Variants in ZNF277 observed in about 807,000 individuals in gnomAD.
The protein encoded by ZNF277 is nuclear receptor-interacting factor 4.
Under a neutral mutation model 60.7 loss-of-function variants are expected in ZNF277, and 55 were observed. That is an observed-to-expected ratio of 0.91 (90% CI 0.73 to 1.13). The LOEUF (loss-of-function observed/expected upper bound fraction) is 1.13. Among genes scored for constraint, ZNF277 ranks in the 50% most tolerant of loss-of-function variants. The pLI, the probability that ZNF277 is intolerant of heterozygous loss-of-function variation, is 0.00. For missense variants in ZNF277, 510 were observed against 523.0 expected (o/e 0.98, Z 0.24); for synonymous variants, 178 against 179.3 (o/e 0.99, Z 0.06).
chr7:112,325,295 C>G (rs896068927), intron 5 of ZNF277, among the ~76,000 whole-genome samples: 3 of 152,278 alleles, frequency 2.0e-5, no homozygotes, highest in African/African-American at 7.2e-5. Context: ...ACATCAAGGA[C>G]CACCAGTTCA....
Position 112,227,877 on chromosome 7 carries a change from T to C in ZNF277, c.91+21070T>C, listed in dbSNP as rs188693672. On this transcript the variant is annotated intron_variant, in intron 1 of 11. Coordinates refer to ENST00000361822, the MANE Select transcript of ZNF277 (RefSeq NM_021994.3). Reference sequence around the variant, plus strand: ...CTGGAGAAATCTCATCAACAGCTTGTAGAGAGAGAAATTTTAAGTCTAATA... The same window carrying C: ...CTGGAGAAATCTCATCAACAGCTTGCAGAGAGAGAAATTTTAAGTCTAATA... Among the ~76,000 whole-genome samples, 9 of 152,224 alleles carry C rather than the reference T, an allele frequency of 5.9e-5. No homozygotes were observed. In the East Asian group the frequency reaches 1.7e-3, roughly 29 times the overall value.
chr7:112,245,389 A>G (rs1791061022), intron 1 of ZNF277, among the ~76,000 whole-genome samples: 1 of 152,100 alleles, frequency 6.6e-6, no homozygotes, highest in African/African-American at 2.4e-5. Flanking sequence ...GACCTTTTAG[A>G]TCCTCTTCTC....
intron 9 of ZNF277, among the ~76,000 whole-genome samples, chr7:112,338,691 C>A (rs1414259213): frequency 6.6e-6 from 1 of 152,162 alleles, no homozygotes; most frequent in Non-Finnish European, 1.5e-5. Context: ...ATTTTAGTTT[C>A]TCTGAAAAAG....
At chr7:112,340,013 C>A in intron 10 of ZNF277, 128 bp downstream of exon 10, 2 of 806,872 alleles carry the variant, frequency 2.5e-6, no homozygotes, top group South Asian at 3.3e-5. Context: ...TATAGATGGT[C>A]TTGACAGAAC....
In ZNF277 at chr7:112,343,654, C is replaced by T. The variant is rs1320707242; in HGVS notation, c.*925C>T. Among the ~76,000 whole-genome samples, 1 of 152,044 alleles carries T rather than the reference C, an allele frequency of 6.6e-6. No individual in the cohort carries two copies. The highest frequency in any genetic ancestry group is 2.4e-5 in the African/African-American group (1 of 41,396). ...TCAAATCCAAGTTTGAGGCTGGGCACAGTAGCTCATATCTGTAATCCCAGC... is the reference window on the plus strand; with the variant it reads ...TCAAATCCAAGTTTGAGGCTGGGCATAGTAGCTCATATCTGTAATCCCAGC... On this transcript the variant is annotated 3_prime_UTR_variant, in exon 12 of 12. Transcript: ENST00000361822.
intron 1 of ZNF277, among the ~76,000 whole-genome samples, chr7:112,218,933 T>C (rs531740846): frequency 6.6e-6 from 1 of 152,314 alleles, no homozygotes; most frequent in South Asian, 2.1e-4. Context: ...AACATAGGAG[T>C]GCAGATATCT....
At chr7:112,325,685 C>T (rs995155696) in intron 5 of ZNF277, among the ~76,000 whole-genome samples, 5 of 152,204 alleles carry the variant, frequency 3.3e-5, no homozygotes, top group African/African-American at 9.7e-5. Context: ...CTTCCTAGTA[C>T]ACCTATACCT....
intron 7 of ZNF277, among the ~76,000 whole-genome samples, chr7:112,331,869 C>G (rs1260037583): frequency 6.6e-6 from 1 of 152,184 alleles, no homozygotes; most frequent in African/African-American, 2.4e-5. Flanking sequence ...TTCTGGGGCT[C>G]TTTTAAAACT....
rs143522321 is a variant in ZNF277, at chr7:112,261,319, A to C, written c.92-25554A>C. On this transcript the variant is annotated intron_variant, in intron 1 of 11. Transcript: ENST00000361822. Reference sequence around the variant, plus strand: ...CCTCCTTTTACCTTTTCTAAAGTCCATTTTACCTAACATACAACAATTTGG... The same window carrying C: ...CCTCCTTTTACCTTTTCTAAAGTCCCTTTTACCTAACATACAACAATTTGG... Among the ~76,000 whole-genome samples the C allele has an allele frequency of 1.4e-3, 215 of 152,262 alleles. 1 individual carries two copies. Among genetic ancestry groups the C allele is most frequent in the African/African-American group, 4.8e-3 (200 of 41,558 alleles).
intron 1 of ZNF277, among the ~76,000 whole-genome samples, chr7:112,269,559 T>C (rs541530442): frequency 6.6e-6 from 1 of 152,272 alleles, no homozygotes; most frequent in South Asian, 2.1e-4. Flanking sequence ...ACAGTTAAGA[T>C]AGCCAGTCAT....
chr7:112,228,280 T>TA (rs1822228086), intron 1 of ZNF277, among the ~76,000 whole-genome samples: 2 of 152,082 alleles, frequency 1.3e-5, no homozygotes, highest in South Asian at 4.1e-4. Context: ...GCAAAGACCC[T>TA]ATTTCCAAAT....
At position 112,286,922 on chromosome 7, in the gene ZNF277, T is replaced by G. The variant is rs770613254; in HGVS notation, c.141T>G (p.Gly47=). ...LEPLSLPESP[G]GTTTLEGSPS... ...CGCTTTCCCTGCCAGAAAGTCCAGG[T>G]GGCACCACCACTTTAGAAGGTTCTC... Residue 47 remains glycine (G), a synonymous_variant, in exon 2 of 12, where the codon GGT becomes GGG. Coordinates refer to ENST00000361822, the MANE Select transcript of ZNF277 (RefSeq NM_021994.3). 6.3e-7 allele frequency: 1 copy of G among 1,592,088 alleles called. No homozygotes were observed. The highest frequency in any genetic ancestry group is 8.5e-7 in the Non-Finnish European group (1 of 1,171,924).
chr7:112,339,002 G>A (rs559003824), intron 9 of ZNF277, among the ~76,000 whole-genome samples: 6 of 152,224 alleles, frequency 3.9e-5, no homozygotes, highest in Admixed American at 6.5e-5. Flanking sequence ...AAACAAACAC[G>A]CAAAAAATAA....
At chr7:112,324,136 C>G (rs1358923195) in intron 5 of ZNF277, among the ~76,000 whole-genome samples, 1 of 152,116 alleles carries the variant, frequency 6.6e-6, no homozygotes, top group Non-Finnish European at 1.5e-5. Context: ...AGTCATTGTA[C>G]ATTTAAAATA....
intron 1 of ZNF277, among the ~76,000 whole-genome samples, chr7:112,222,291 T>C (rs1420157035): frequency 6.6e-6 from 1 of 152,202 alleles, no homozygotes; most frequent in East Asian, 1.9e-4. Context: ...TTTGGTAGAA[T>C]TCAGCGGTGA....
chr7:112,289,128 A>G (rs1180248056), intron 2 of ZNF277: 1 of 152,148 alleles, frequency 6.6e-6, no homozygotes, highest in Admixed American at 6.5e-5. Flanking sequence ...TTCCATTTGT[A>G]TTTATGCTAA....
chr7:112,296,307 G>T lies in ZNF277; in HGVS notation c.461G>T (p.Arg154Ile). Residue 154 changes from arginine (R) to isoleucine (I), a missense_variant, in exon 4 of 12, where the codon AGA becomes ATA. Arg to Ile is a moderately conservative substitution (Grantham distance 97). Coordinates refer to ENST00000361822, the MANE Select transcript of ZNF277 (RefSeq NM_021994.3). ...CTTAGAGAAGAGCTTCAGAAACAGA[G>T]ACTGGTAAGAATTGTTTTTAAAGGG... is the stretch of plus-strand genomic sequence containing the variant. ...RILREELQKQ[R>I]LREILEQQQQ... 1 of 1,558,462 alleles carries T rather than the reference G, an allele frequency of 6.4e-7. No homozygotes were observed. Among genetic ancestry groups the T allele is most frequent in the South Asian group, 1.2e-5 (1 of 85,140 alleles).
chr7:112,246,964 A>G (rs959654773), intron 1 of ZNF277, among the ~76,000 whole-genome samples: 9 of 152,138 alleles, frequency 5.9e-5, no homozygotes, highest in African/African-American at 2.2e-4. Flanking sequence ...ACCTGCTTTG[A>G]GTTATGTATT....
intron 6 of ZNF277, among the ~76,000 whole-genome samples, chr7:112,329,289 T>C (rs375826532): frequency 2.0e-5 from 3 of 152,226 alleles, no homozygotes; most frequent in East Asian, 1.9e-4. Flanking sequence ...CTCTACTTTT[T>C]ACTGAGTAGC....
Sources: allele counts gnomAD v4.1 joint callset (sites outside exome capture counted in the v4.1 genomes callset), GRCh38; gene constraint gnomAD v4.1.1; transcripts MANE v1.5; gene names NCBI Gene and HGNC (gene_info 2026-07-23, HGNC 2026-07-21).